The following SEPTIN6 variants were observed in gnomAD, a reference collection of about 807,000 sequenced individuals.
SEPTIN6 encodes the protein septin-6.
A neutral mutation model predicts 33.6 loss-of-function variants in SEPTIN6; 8 were observed. The ratio of observed to expected loss-of-function variants is 0.24; its 90% confidence interval spans 0.14 to 0.43. The LOEUF is 0.43. SEPTIN6 is among the 20% of genes least tolerant of loss of function. The pLI, the probability that SEPTIN6 is intolerant of heterozygous loss-of-function variation, is 1.00. For missense variants in SEPTIN6, 250 were observed against 340.8 expected (o/e 0.73, Z 2.10); for synonymous variants, 131 against 140.0 (o/e 0.94, Z 0.45).
chrX:119,688,707 G>C (rs184744704), intron 1 of SEPTIN6, among the ~76,000 whole-genome samples: 1 of 90,297 alleles, frequency 1.1e-5, no homozygotes, highest in East Asian at 3.0e-4. Flanking sequence ...ACTCCATCTC[G>C]GGGAAAAAAA....
intron 4 of SEPTIN6, 109 bp from the exon 5 acceptor site, chrX:119,650,207 C>A: frequency 1.1e-5 from 8 of 703,849 alleles, no homozygotes; most frequent in South Asian, 2.5e-5. Flanking sequence ...GCCCAGTGGT[C>A]AAAGACTGGC....
intron 9 of SEPTIN6, among the ~76,000 whole-genome samples, chrX:119,628,504 CT>C (rs766806075): frequency 0.03 from 2,310 of 78,284 alleles, 64 homozygotes; most frequent in African/African-American, 0.11. Flanking sequence ...GTCTTGAACT[CT>C]TTTTTTTTTT....
At chrX:119,635,008 C>CAAAA (rs56090830) in intron 7 of SEPTIN6, 57 of 146,503 alleles carry the variant, frequency 3.9e-4, no homozygotes, top group Non-Finnish European at 4.8e-4. Context: ...GACTCTGTCT[C>CAAAA]AAAAAAAAAA....
intron 1 of SEPTIN6, among the ~76,000 whole-genome samples, chrX:119,682,575 C>T (rs2054979762): frequency 8.9e-6 from 1 of 111,817 alleles, no homozygotes; most frequent in African/African-American, 3.3e-5. Context: ...GCCTCCTCTC[C>T]TGAGGACACA....
intron 4 of SEPTIN6, among the ~76,000 whole-genome samples, chrX:119,651,214 G>A (rs1390867580): frequency 8.9e-6 from 1 of 111,827 alleles, no homozygotes; most frequent in Non-Finnish European, 1.9e-5. Context: ...GAGTGCCTCT[G>A]AAGGCTGATA....
At chrX:119,635,085 G>A (rs749726099) in intron 7 of SEPTIN6, 1 of 351,106 alleles carries the variant, frequency 2.8e-6, no homozygotes, top group Admixed American at 2.8e-5. Context: ...GGAGGGAATG[G>A]AGGGAGCAGT....
intron 5 of SEPTIN6, among the ~76,000 whole-genome samples, chrX:119,645,304 T>A (rs1200211554): frequency 2.9e-5 from 3 of 102,148 alleles, no homozygotes; most frequent in Non-Finnish European, 6.0e-5. Flanking sequence ...AGTGACGTGA[T>A]CTCAGCTCAC....
At chrX:119,616,601 T>TG, downstream of SEPTIN6, 1 of 722,133 alleles carries the variant, frequency 1.4e-6, no homozygotes, top group Non-Finnish European at 2.2e-6. Flanking sequence ...AGTGGTGTGG[T>TG]GTATGTGTGT....
At chrX:119,655,543 C>G (rs1032913095) in intron 3 of SEPTIN6, among the ~76,000 whole-genome samples, 17 of 111,423 alleles carry the variant, frequency 1.5e-4, no homozygotes, top group Admixed American at 1.4e-3. Context: ...TTTCTCATAT[C>G]CTTCTCAACT....
At chrX:119,668,561 T>G (rs1308563632) in intron 2 of SEPTIN6, among the ~76,000 whole-genome samples, 1 of 111,912 alleles carries the variant, frequency 8.9e-6, no homozygotes, top group Non-Finnish European at 1.9e-5. Flanking sequence ...ATGTTACTAT[T>G]TGTCCTCAAT....
rs566739446 is a variant in SEPTIN6, at chrX:119,686,939, G to A, written c.30+6137C>T. Among the ~76,000 whole-genome samples the A allele has an allele frequency of 6.3e-5, 7 of 111,201 alleles. No homozygotes were observed. The South Asian group carries it at 2.7e-3, about 42-fold the overall frequency. ...TGAAAAGAGGGGGAAGAGAGGTCAT[G>A]GCAGGATTTTGATGTCTTAGAAACA... On this transcript the variant is annotated intron_variant, in intron 1 of 10. Coordinates refer to ENST00000394610, the MANE Select transcript of SEPTIN6 (RefSeq NM_145799.4).
At chrX:119,625,272 G>A (rs2053841453) in intron 10 of SEPTIN6, 63 bp downstream of exon 10, 11 of 766,910 alleles carry the variant, frequency 1.4e-5, no homozygotes, top group Non-Finnish European at 2.2e-5. Flanking sequence ...TTGGGGGTGC[G>A]GGATTGGGGG....
intron 1 of SEPTIN6, among the ~76,000 whole-genome samples, chrX:119,679,983 CAT>C (rs2054921535): frequency 9.0e-6 from 1 of 111,461 alleles, no homozygotes; most frequent in East Asian, 2.8e-4. Flanking sequence ...CATGGAGACA[CAT>C]AGGAAAGCCA....
intron 1 of SEPTIN6, among the ~76,000 whole-genome samples, chrX:119,687,930 A>T (rs1000616913): frequency 3.6e-5 from 4 of 111,787 alleles, no homozygotes; most frequent in Non-Finnish European, 7.5e-5. Context: ...CACCGCTAAC[A>T]CTCACATTTC....
intron 2 of SEPTIN6, among the ~76,000 whole-genome samples, chrX:119,674,422 C>T (rs1179235514): frequency 2.7e-5 from 3 of 111,760 alleles, no homozygotes; most frequent in Non-Finnish European, 5.6e-5. Flanking sequence ...CGTGATCCAC[C>T]GGCCTCGGCC....
chrX:119,689,712 G>A lies in SEPTIN6; in HGVS notation c.30+3364C>T, dbSNP rs1406104007. On this transcript the variant is annotated intron_variant, in intron 1 of 10. Transcript: ENST00000394610. ...AGGCTGGTCTCGATCTCCTGACTTT[G>A]TGATCCACCCACCTCGGCCTCTTTT... Among the ~76,000 whole-genome samples the A allele has an allele frequency of 9.3e-5, 10 of 107,316 alleles. No individual in the cohort carries two copies. In the Admixed American group the frequency reaches 1.0e-3, roughly 11 times the overall value. 93.2% of individuals were successfully genotyped at this position (107,316 alleles called of 115,157 possible).
chrX:119,658,040 T>C (rs1326209822), intron 3 of SEPTIN6, among the ~76,000 whole-genome samples: 1 of 111,296 alleles, frequency 9.0e-6, no homozygotes, highest in South Asian at 3.8e-4. Flanking sequence ...GGCAGGAGAA[T>C]GGCGTGAACC....
At chrX:119,644,325 A>G (rs2054205764) in intron 5 of SEPTIN6, among the ~76,000 whole-genome samples, 1 of 111,121 alleles carries the variant, frequency 9.0e-6, no homozygotes, top group African/African-American at 3.3e-5. Context: ...CCATTCCTAG[A>G]TTCACCATCT....
chrX:119,647,975 T>TTTTTTTTTGAGA (rs2054294627), intron 5 of SEPTIN6, among the ~76,000 whole-genome samples: 1 of 106,506 alleles, frequency 9.4e-6, no homozygotes, highest in Non-Finnish European at 1.9e-5. Flanking sequence ...TTTTTAAATT[T>TTTTTTTTTGAGA]CAGTAGAGAT....
Sources: allele counts gnomAD v4.1 joint callset (sites outside exome capture counted in the v4.1 genomes callset), GRCh38; gene constraint gnomAD v4.1.1; transcripts MANE v1.5; gene names NCBI Gene and HGNC (gene_info 2026-07-23, HGNC 2026-07-21).